Variants in USH2A observed in about 807,000 individuals in gnomAD.
USH2A encodes usherin, also known as Usher syndrome 2A (autosomal recessive, mild).
A neutral mutation model predicts 538.9 loss-of-function variants in USH2A; 443 were observed. The ratio of observed to expected loss-of-function variants is 0.82; its 90% CI spans 0.76 to 0.89. The LOEUF is 0.89. Among genes scored for constraint, USH2A ranks in the 40% least tolerant of loss-of-function variants. The pLI, the probability that USH2A is intolerant of heterozygous loss-of-function variation, is 0.00. For synonymous variants in USH2A, 2,413 were observed against 2,273.5 expected, an observed-to-expected ratio of 1.06 and a Z score of -1.75; for missense variants, 6,633 against 6,324.8, an observed-to-expected ratio of 1.05 and a Z score of -1.65.
At chr1:215,940,119 T>C (rs375643612) in intron 37 of USH2A, among the ~76,000 whole-genome samples, 2 of 152,170 alleles carry the variant, frequency 1.3e-5, no homozygotes, top group African/African-American at 4.8e-5. Flanking sequence ...GAGGATTTTA[T>C]ATGTCAGGCC....
At chr1:216,187,782 TA>T (rs1479694795) in intron 20 of USH2A, among the ~76,000 whole-genome samples, 2 of 151,954 alleles carry the variant, frequency 1.3e-5, no homozygotes, top group Non-Finnish European at 2.9e-5. Flanking sequence ...ATTTTACATG[TA>T]TTAACTAATT....
At chr1:216,036,448 T>G (rs371289177) in intron 32 of USH2A, among the ~76,000 whole-genome samples, 1 of 152,308 alleles carries the variant, frequency 6.6e-6, no homozygotes, top group East Asian at 1.9e-4. Context: ...TACACATCCA[T>G]GTATATGTAT....
At chr1:216,403,082 T>C (rs1385344532) in intron 3 of USH2A, among the ~76,000 whole-genome samples, 1 of 152,194 alleles carries the variant, frequency 6.6e-6, no homozygotes, top group South Asian at 2.1e-4. Flanking sequence ...TATAATTGTA[T>C]ACTATGACCA....
In USH2A at chr1:216,122,033, C is replaced by T. The variant is rs143486585; in HGVS notation, c.4628-24820G>A. Among the ~76,000 whole-genome samples the T allele has an allele frequency of 6.6e-5, 10 of 152,234 alleles. No homozygotes were observed. In the East Asian group the frequency reaches 1.9e-3, roughly 29 times the overall value. On this transcript the variant is annotated intron_variant, in intron 21 of 71. Coordinates refer to ENST00000307340, the MANE Select transcript of USH2A (RefSeq NM_206933.4). ...CTAAAAGAAATTGTCACAAAAAGGA[C>T]CGCAAACACAAAAATCATAATGAAA...
At position 215,888,431 on chromosome 1, in the gene USH2A, C is replaced by T; in HGVS notation, c.8218G>A (p.Val2740Ile). The change falls in exon 41 of 72, where the codon GTC becomes ATC. Residue 2740 changes from valine (V) to isoleucine (I), a missense_variant. Val to Ile is a conservative substitution (Grantham distance 29). Coordinates refer to ENST00000307340, the MANE Select transcript of USH2A (RefSeq NM_206933.4). Reference sequence around the variant, plus strand: ...GAGAATAGTCAGTATCTTACCTGGACTGCATCGGGTTCCAGCACTGTCACC... The same window carrying T: ...GAGAATAGTCAGTATCTTACCTGGATTGCATCGGGTTCCAGCACTGTCACC... ...PVVTVLEPDA[V>I]QVTWKPPLIQ... The T allele has an allele frequency of 6.2e-7, 1 of 1,612,970 alleles. No homozygotes were observed. The highest frequency in any genetic ancestry group is 2.2e-5 in the East Asian group (1 of 44,882).
intron 3 of USH2A, among the ~76,000 whole-genome samples, chr1:216,392,274 G>A (rs542835743): frequency 3.9e-5 from 6 of 152,040 alleles, no homozygotes; most frequent in East Asian, 3.9e-4. Context: ...TGAGGCAGGT[G>A]GATCACAAGG....
At chr1:215,927,137 C>T (rs1387468164) in intron 38 of USH2A, among the ~76,000 whole-genome samples, 1 of 152,062 alleles carries the variant, frequency 6.6e-6, no homozygotes, top group African/African-American at 2.4e-5. Context: ...CTGATGAGCA[C>T]TGTTAACAGA....
At chr1:216,001,047 G>A (rs1196325375) in intron 32 of USH2A, among the ~76,000 whole-genome samples, 1 of 152,032 alleles carries the variant, frequency 6.6e-6, no homozygotes, top group Non-Finnish European at 1.5e-5. Flanking sequence ...CCTTCAAATT[G>A]TCGAGGTGCA....
At chr1:216,081,059 A>C (rs565300069) in intron 26 of USH2A, among the ~76,000 whole-genome samples, 1 of 152,264 alleles carries the variant, frequency 6.6e-6, no homozygotes, top group South Asian at 2.1e-4. Flanking sequence ...GCTCAAAACA[A>C]GTTCTCATAC....
At chr1:215,697,958 CTAA>C (rs1327688439) in intron 61 of USH2A, among the ~76,000 whole-genome samples, 1 of 152,170 alleles carries the variant, frequency 6.6e-6, no homozygotes, top group Non-Finnish European at 1.5e-5. Flanking sequence ...GGTATTTCTC[CTAA>C]TGTTACCCCT....
intron 21 of USH2A, among the ~76,000 whole-genome samples, chr1:216,173,112 A>T (rs910462201): frequency 6.6e-6 from 1 of 152,170 alleles, no homozygotes; most frequent in Admixed American, 6.6e-5. Flanking sequence ...GAATAATGTA[A>T]GATGCTAATT....
intron 60 of USH2A, among the ~76,000 whole-genome samples, chr1:215,737,790 T>C (rs906457049): frequency 6.6e-6 from 1 of 152,066 alleles, no homozygotes; most frequent in East Asian, 1.9e-4. Context: ...CGTCTTTTCT[T>C]AGTTAATTCA....
intron 55 of USH2A, among the ~76,000 whole-genome samples, chr1:215,772,207 C>A (rs1661311614): frequency 6.6e-6 from 1 of 152,156 alleles, no homozygotes. Flanking sequence ...GAAAACTACT[C>A]ATGAATTGAT....
chr1:215,779,761 C>T, intron 55 of USH2A, 82 bp downstream of exon 55: 2 of 1,538,134 alleles, frequency 1.3e-6, no homozygotes, highest in Non-Finnish European at 1.8e-6. Flanking sequence ...ATATATCAAA[C>T]ACACACCCCT....
At chr1:216,302,314 AT>A (rs779695038) in intron 9 of USH2A, among the ~76,000 whole-genome samples, 160 of 152,302 alleles carry the variant, frequency 1.1e-3, no homozygotes, top group Non-Finnish European at 1.8e-3. Flanking sequence ...TGTGACTAGC[AT>A]TTAATTGAAT....
At chr1:215,715,970 C>T (rs763409553) in intron 61 of USH2A, among the ~76,000 whole-genome samples, 43 of 152,154 alleles carry the variant, frequency 2.8e-4, no homozygotes, top group Non-Finnish European at 5.7e-4. Context: ...CCATCTCCTA[C>T]GGAATGGTAA....
At chr1:216,390,733 T>G (rs1467226177) in intron 3 of USH2A, among the ~76,000 whole-genome samples, 2 of 152,152 alleles carry the variant, frequency 1.3e-5, no homozygotes, top group African/African-American at 4.8e-5. Flanking sequence ...GTGTTCATAA[T>G]CACACACCAA....
At chr1:216,134,283 A>G (rs2033436303) in intron 21 of USH2A, among the ~76,000 whole-genome samples, 1 of 152,102 alleles carries the variant, frequency 6.6e-6, no homozygotes, top group African/African-American at 2.4e-5. Flanking sequence ...TTACATGTAC[A>G]ATTTGACTCA....
chr1:216,312,915 G>C (rs1473208258), intron 9 of USH2A, among the ~76,000 whole-genome samples: 1 of 152,106 alleles, frequency 6.6e-6, no homozygotes, highest in Non-Finnish European at 1.5e-5. Flanking sequence ...ACTGAGTAAA[G>C]GGAACTCTGG....
Sources: allele counts gnomAD v4.1 joint callset (sites outside exome capture counted in the v4.1 genomes callset), GRCh38; gene constraint gnomAD v4.1.1; transcripts MANE v1.5; gene names NCBI Gene and HGNC (gene_info 2026-07-23, HGNC 2026-07-21).